NAALADL2: variants seen among roughly 807,000 people sequenced by gnomAD.
NAALADL2 encodes inactive N-acetylated-alpha-linked acidic dipeptidase-like protein 2.
A neutral mutation model predicts 87.2 loss-of-function variants in NAALADL2; 76 were observed. That is an observed-to-expected ratio of 0.87 (90% CI 0.72 to 1.05). The LOEUF is 1.05. NAALADL2 is among the 50% of genes least tolerant of loss of function. The probability of loss-of-function intolerance (pLI) is 0.00; values close to 1 mark genes in which losing one functional copy is unlikely to be tolerated. For synonymous variants in NAALADL2, 354 were observed against 331.0 expected (o/e 1.07, Z -0.75); for missense variants, 1,089 against 945.8 (o/e 1.15, Z -1.99).
chr3:174,691,972 G>A (rs960368290), intron 2 of NAALADL2: 1 of 152,132 alleles, frequency 6.6e-6, no homozygotes, highest in African/African-American at 2.4e-5. Context: ...CACATCTGCA[G>A]TTACTTCTTC....
chr3:174,878,730 C>T (rs1460880942), intron 1 of NAALADL2, among the ~76,000 whole-genome samples: 4 of 151,928 alleles, frequency 2.6e-5, no homozygotes. Flanking sequence ...TTCCTATAGA[C>T]CCCACCCCTT....
intron 1 of NAALADL2, among the ~76,000 whole-genome samples, chr3:174,531,607 G>A (rs1248331417): frequency 6.6e-6 from 1 of 152,130 alleles, no homozygotes; most frequent in Admixed American, 6.5e-5. Flanking sequence ...CTGCTCTGGG[G>A]AAATGATGTT....
intron 2 of NAALADL2, among the ~76,000 whole-genome samples, chr3:174,556,464 G>C (rs1265239561): frequency 6.7e-6 from 1 of 148,614 alleles, no homozygotes; most frequent in Non-Finnish European, 1.5e-5. Context: ...TCTTTTGCTT[G>C]CTTCCTTTCA....
At chr3:175,200,496 A>G (rs961000925) in intron 2 of NAALADL2, among the ~76,000 whole-genome samples, 3 of 152,158 alleles carry the variant, frequency 2.0e-5, no homozygotes, top group Non-Finnish European at 4.4e-5. Flanking sequence ...CTTGTCTTTC[A>G]TGATTATCTC....
In NAALADL2 at chr3:174,637,558, T is replaced by C. The variant is rs186025280; in HGVS notation, c.-115+86921T>C. Among the ~76,000 whole-genome samples, 377 of 152,192 alleles carry C rather than the reference T, an allele frequency of 2.5e-3. 1 individual carries two copies. Among genetic ancestry groups the C allele is most frequent in the Non-Finnish European group, 4.5e-3 (309 of 67,942 alleles). ...TTTTTAGCCTAAATCATCAGAATGATGTACAAAATTCATAATGTTCACTGA... is the reference window on the plus strand; with the variant it reads ...TTTTTAGCCTAAATCATCAGAATGACGTACAAAATTCATAATGTTCACTGA... On this transcript the variant is annotated intron_variant, in intron 2 of 3. Coordinates refer to the NAALADL2 transcript ENST00000434257.
At chr3:175,672,257 C>T (rs900995326) in intron 11 of NAALADL2, among the ~76,000 whole-genome samples, 6 of 152,188 alleles carry the variant, frequency 3.9e-5, no homozygotes, top group South Asian at 4.1e-4. Context: ...TAACCCCATC[C>T]GGGAACATTG....
chr3:175,810,451 TAACA>T lies in NAALADL2; in HGVS notation c.*7252_*7255del, dbSNP rs1229509704. 2 of 152,058 alleles carry T rather than the reference TAACA, an allele frequency of 1.3e-5. No homozygotes were observed. Among genetic ancestry groups the T allele is most frequent in the African/African-American group, 4.8e-5 (2 of 41,446 alleles). 9.4% of individuals were successfully genotyped at this position (152,058 alleles called of 1,614,324 possible). On this transcript the variant is annotated 3_prime_UTR_variant, in exon 14 of 14. Coordinates refer to ENST00000454872, the MANE Select transcript of NAALADL2 (RefSeq NM_207015.3). Reference sequence around the variant, plus strand: ...AGTACTAGGAAATGAAGGCACCATTTAACAAACGTGTTCTGAATCATAATTTTCA... The same window carrying T: ...AGTACTAGGAAATGAAGGCACCATTTAACGTGTTCTGAATCATAATTTTCA...
intron 5 of NAALADL2, among the ~76,000 whole-genome samples, chr3:175,362,799 G>A (rs1355445462): frequency 6.8e-6 from 1 of 147,936 alleles, no homozygotes; most frequent in East Asian, 2.0e-4. Context: ...ATTCCCGCCA[G>A]CAGTGTAGAA....
At chr3:175,251,801 G>T (rs533334930) in intron 3 of NAALADL2, among the ~76,000 whole-genome samples, 1 of 152,224 alleles carries the variant, frequency 6.6e-6, no homozygotes, top group South Asian at 2.1e-4. Context: ...TAGTTTTAAG[G>T]CTTGCTTTGA....
chr3:175,592,926 G>T (rs1209557492), intron 10 of NAALADL2, among the ~76,000 whole-genome samples: 1 of 151,904 alleles, frequency 6.6e-6, no homozygotes, highest in Non-Finnish European at 1.5e-5. Context: ...AAGCTGTTTT[G>T]ATTATGTCCC....
At chr3:174,553,334 TA>T in intron 2 of NAALADL2, among the ~76,000 whole-genome samples, 1 of 152,288 alleles carries the variant, frequency 6.6e-6, no homozygotes, top group East Asian at 1.9e-4. Context: ...ATTAAACTCC[TA>T]AAAGGTGTTA....
chr3:175,784,936 T>C (rs778135051), intron 13 of NAALADL2, among the ~76,000 whole-genome samples: 89 of 129,762 alleles, frequency 6.9e-4, no homozygotes, highest in Non-Finnish European at 1.2e-3. Context: ...AGAACATCTT[T>C]ATTTCTGCCT....
chr3:175,781,819 T>A (rs1022077681), intron 13 of NAALADL2, among the ~76,000 whole-genome samples: 1 of 152,046 alleles, frequency 6.6e-6, no homozygotes, highest in Admixed American at 6.6e-5. Context: ...CACTAACTCG[T>A]CATCTAGCAT....
chr3:174,588,353 G>A (rs911227558), intron 2 of NAALADL2, among the ~76,000 whole-genome samples: 7 of 152,064 alleles, frequency 4.6e-5, no homozygotes, highest in East Asian at 1.9e-4. Flanking sequence ...ATTACCGATC[G>A]TCTGAAGCCT....
intron 2 of NAALADL2, among the ~76,000 whole-genome samples, chr3:174,716,866 A>T (rs1481183889): frequency 6.6e-6 from 1 of 152,292 alleles, no homozygotes; most frequent in African/African-American, 2.4e-5. Context: ...TTGAAAGCCT[A>T]GCTCCAGAAG....
At chr3:175,414,795 T>A (rs187219792) in intron 5 of NAALADL2, among the ~76,000 whole-genome samples, 39 of 151,726 alleles carry the variant, frequency 2.6e-4, no homozygotes, top group African/African-American at 8.2e-4. Context: ...AGGTAAAGGA[T>A]CTACAGAGTT....
chr3:174,715,142 G>A (rs1304605827), intron 2 of NAALADL2, among the ~76,000 whole-genome samples: 1 of 152,096 alleles, frequency 6.6e-6, no homozygotes, highest in Non-Finnish European at 1.5e-5. Context: ...AGACAAGAAG[G>A]TTTAAGATAA....
intron 2 of NAALADL2, among the ~76,000 whole-genome samples, chr3:174,637,470 A>G (rs927033003): frequency 6.6e-6 from 1 of 152,096 alleles, no homozygotes; most frequent in Non-Finnish European, 1.5e-5. Flanking sequence ...TGAATGTATC[A>G]AAAGAAATTA....
intron 5 of NAALADL2, among the ~76,000 whole-genome samples, chr3:175,416,562 G>A (rs1714673738): frequency 6.6e-6 from 1 of 152,116 alleles, no homozygotes; most frequent in Non-Finnish European, 1.5e-5. Context: ...CTAATGACAA[G>A]ATCACTGATG....
Sources: allele counts gnomAD v4.1 joint callset (sites outside exome capture counted in the v4.1 genomes callset), GRCh38; gene constraint gnomAD v4.1.1; transcripts MANE v1.5; gene names NCBI Gene and HGNC (gene_info 2026-07-23, HGNC 2026-07-21).